The following ABCA3 variants were observed in gnomAD, a reference collection of about 807,000 sequenced individuals.
ABCA3 encodes ATP binding cassette subfamily A member 3.
Under a neutral mutation model 172.8 loss-of-function variants are expected in ABCA3, and 88 were observed. That is an observed-to-expected ratio of 0.51 (90% CI 0.43 to 0.61). The LOEUF (loss-of-function observed/expected upper bound fraction) is 0.61, where lower values mean the gene tolerates loss of function less well. ABCA3 is among the 20% of genes least tolerant of loss of function. ABCA3 has a pLI of 0.00. For missense variants in ABCA3, 2,164 were observed against 2,301.0 expected (o/e 0.94, Z 1.22); for synonymous variants, 1,066 against 983.8 (o/e 1.08, Z -1.56).
chr16:2,295,735 C>T lies in ABCA3; in HGVS notation c.2269G>A (p.Gly757Ser), dbSNP rs773110080. The change falls in exon 18 of 33, where the codon GGC becomes AGC. Residue 757 changes from glycine (G) to serine (S), a missense_variant. Gly to Ser is a moderately conservative substitution (Grantham distance 56). This residue lies in a region of ABCA3 where 1,343 missense variants were observed against 1,369.6 expected (regional missense o/e 0.98). Transcript: ENST00000301732. ...TCCTTCACCAGCGTCATGTGATAGC[C>T]GGCACCTGGAATACAGGGCCACGTG... ...SLFLKQKYGA[G>S]YHMTLVKEPH... 6.2e-6 allele frequency: 10 copies of T among 1,613,764 alleles called. No homozygotes were observed. The highest frequency in any genetic ancestry group is 4.5e-5 in the East Asian group (2 of 44,892).
At chr16:2,330,090 G>GT (rs1212517425) in intron 1 of ABCA3, among the ~76,000 whole-genome samples, 5 of 151,872 alleles carry the variant, frequency 3.3e-5, no homozygotes, top group Non-Finnish European at 7.4e-5. Flanking sequence ...GAGGTCAGGA[G>GT]TTTAAGACCA....
Position 2,285,440 on chromosome 16 carries a change from A to C in ABCA3, c.3483+2T>G. 6.2e-7 allele frequency: 1 copy of C among 1,608,122 alleles called. No homozygotes were observed. The highest frequency in any genetic ancestry group is 1.1e-5 in the South Asian group (1 of 89,854). ...ACGGATCCAGCACCCTCCGGCGCTC[A>C]CCAGCAGCAGCAGACTGGGGATGAG... On this transcript the variant is annotated splice_donor_variant, in intron 23 of 32. Transcript: ENST00000301732. LOFTEE classifies it high-confidence loss of function. The surrounding 1 kb of genome is among the most constrained non-coding windows in gnomAD (Gnocchi z 4.7).
At chr16:2,335,218 G>C (rs771824928) in intron 1 of ABCA3, among the ~76,000 whole-genome samples, 1 of 152,134 alleles carries the variant, frequency 6.6e-6, no homozygotes, top group Non-Finnish European at 1.5e-5. Flanking sequence ...GGGTGGGCTA[G>C]ACAACCTGCA....
At chr16:2,315,975 G>A (rs1278824781) in intron 10 of ABCA3, among the ~76,000 whole-genome samples, 2 of 146,810 alleles carry the variant, frequency 1.4e-5, no homozygotes, top group African/African-American at 5.0e-5. Flanking sequence ...GAGCTACCAT[G>A]CCTGGTCACT....
Position 2,283,539 on chromosome 16 carries a change from G to T in ABCA3, c.3863-181C>A. ...CTCGAGGCACCACAGCTCAGAGAGGGGCCAGGCACGTAACAATCCAATGCA... is the reference window on the plus strand; with the variant it reads ...CTCGAGGCACCACAGCTCAGAGAGGTGCCAGGCACGTAACAATCCAATGCA... On this transcript the variant is annotated intron_variant, in intron 25 of 32. Transcript: ENST00000301732. The surrounding 1 kb of genome is among the most constrained non-coding windows in gnomAD (Gnocchi z 5.4). The T allele has an allele frequency of 7.5e-6, 5 of 663,424 alleles. No homozygotes were observed. Among genetic ancestry groups the T allele is most frequent in the Non-Finnish European group, 1.3e-5 (5 of 396,454 alleles). 41.1% of individuals were successfully genotyped at this position (663,424 alleles called of 1,614,324 possible).
intron 1 of ABCA3, among the ~76,000 whole-genome samples, chr16:2,330,283 T>A (rs1235642665): frequency 7.6e-6 from 1 of 130,756 alleles, no homozygotes; most frequent in Non-Finnish European, 1.6e-5. Context: ...GAGATGACCC[T>A]GTCTCAAAAA....
In ABCA3 at chr16:2,281,938, C is replaced by T. The variant is rs1269784041; in HGVS notation, c.4036-429G>A. Among the ~76,000 whole-genome samples, 6 of 151,896 alleles carry T rather than the reference C, an allele frequency of 4.0e-5. No individual in the cohort carries two copies. Among genetic ancestry groups the T allele is most frequent in the East Asian group, 1.9e-4 (1 of 5,188 alleles). On this transcript the variant is annotated intron_variant, in intron 26 of 32. Coordinates refer to ENST00000301732, the MANE Select transcript of ABCA3 (RefSeq NM_001089.3). The surrounding 1 kb of genome is among the most constrained non-coding windows in gnomAD (Gnocchi z 4.7). ...TCCTGCTTCAGCCTCCCGAGTAGCGCGCCACCACGCCCAGCTAATTTTTGT... is the reference window on the plus strand; with the variant it reads ...TCCTGCTTCAGCCTCCCGAGTAGCGTGCCACCACGCCCAGCTAATTTTTGT...
In ABCA3 at chr16:2,292,150, C is replaced by A; in HGVS notation, c.2503G>T (p.Val835Phe). The change falls in exon 19 of 33, where the codon GTC (valine) becomes TTC (phenylalanine). Residue 835 changes from valine (V) to phenylalanine (F), a missense_variant. Coordinates refer to ENST00000301732, the MANE Select transcript of ABCA3 (RefSeq NM_001089.3). ...TGCGCATTTACTGACCGAAGGAAGA[C>A]TTCCTCCATGGTGGTGATGGATGCC... ...FGASITTMEEVFLRVGKLVDS... is the reference protein window; with the variant it reads ...FGASITTMEEFFLRVGKLVDS... 3 of 1,613,478 alleles carry A rather than the reference C, an allele frequency of 1.9e-6. No homozygotes were observed. Among genetic ancestry groups the A allele is most frequent in the Non-Finnish European group, 2.5e-6 (3 of 1,179,450 alleles).
Position 2,277,699 on chromosome 16 carries a change from G to A in ABCA3, c.4910-29C>T, listed in dbSNP as rs772495558. 2.2e-5 allele frequency: 35 copies of A among 1,612,498 alleles called. No homozygotes were observed. The highest frequency in any genetic ancestry group is 2.8e-5 in the Non-Finnish European group (33 of 1,179,732). On this transcript the variant is annotated intron_variant, in intron 31 of 32. Coordinates refer to ENST00000301732, the MANE Select transcript of ABCA3 (RefSeq NM_001089.3). The surrounding 1 kb of genome is among the most constrained non-coding windows in gnomAD (Gnocchi z 5.3). ...CACAAAGGAGAGACGGTGTTGCTGTGAGCGCCGGGCTGGAGGATCGGGGAG... is the reference window on the plus strand; with the variant it reads ...CACAAAGGAGAGACGGTGTTGCTGTAAGCGCCGGGCTGGAGGATCGGGGAG...
At chr16:2,302,103 A>G (rs1417077021) in intron 12 of ABCA3, among the ~76,000 whole-genome samples, 3 of 152,242 alleles carry the variant, frequency 2.0e-5, no homozygotes, top group African/African-American at 2.4e-5. Flanking sequence ...CTTTTAGTTA[A>G]TGGAATATCT....
chr16:2,301,477 C>T (rs544948118), intron 12 of ABCA3, among the ~76,000 whole-genome samples: 6 of 152,112 alleles, frequency 3.9e-5, no homozygotes, highest in African/African-American at 1.2e-4. Context: ...GAGGCCGAGG[C>T]GGGTGGATCA....
At chr16:2,317,547 C>G (rs2093718146) in intron 9 of ABCA3, 101 bp downstream of exon 9, 18 of 1,582,100 alleles carry the variant, frequency 1.1e-5, no homozygotes, top group Non-Finnish European at 1.5e-5. Flanking sequence ...GGGACAGACT[C>G]TCTCTGAAGT....
intron 1 of ABCA3, among the ~76,000 whole-genome samples, chr16:2,338,122 G>A (rs1298237211): frequency 1.3e-5 from 2 of 152,286 alleles, no homozygotes; most frequent in African/African-American, 4.8e-5. Context: ...CCCAGAGGGA[G>A]GTAACCATGG....
At chr16:2,315,839 CTTTTTTTTTTTTTTTT>C (rs536716259) in intron 10 of ABCA3, among the ~76,000 whole-genome samples, 1 of 104,846 alleles carries the variant, frequency 9.5e-6, no homozygotes, top group Non-Finnish European at 1.9e-5. Flanking sequence ...AATTTTTAAA[CTTTTTTTTTTTTTTTT>C]TTTTTTTTGT....
In ABCA3 at chr16:2,285,840, TC is replaced by T. The variant is rs2093662290; in HGVS notation, c.3279-195del. Among the ~76,000 whole-genome samples, 1 of 151,910 alleles carries T rather than the reference TC, an allele frequency of 6.6e-6. No individual in the cohort carries two copies. Among genetic ancestry groups the T allele is most frequent in the South Asian group, 2.1e-4 (1 of 4,800 alleles). ...CACCGGAGAACGGTTCCTCTGGAAT[TC>T]CTATGCTGACCATGTGACAATGGCA... On this transcript the variant is annotated intron_variant, in intron 22 of 32. Coordinates refer to ENST00000301732, the MANE Select transcript of ABCA3 (RefSeq NM_001089.3). The surrounding 1 kb of genome is among the most constrained non-coding windows in gnomAD (Gnocchi z 4.7).
chr16:2,329,966 C>T (rs986950569), intron 1 of ABCA3, 112 bp from the exon 2 acceptor site: 8 of 152,088 alleles, frequency 5.3e-5, no homozygotes, highest in African/African-American at 1.9e-4. Context: ...TTACTTAAAA[C>T]TGAGCAGATC....
rs1567336559 is a variant in ABCA3 at position 2,281,007 on chromosome 16, G to A, written c.4359+20C>T. The A allele has an allele frequency of 1.2e-6, 2 of 1,613,678 alleles. No homozygotes were observed. The highest frequency in any genetic ancestry group is 1.7e-5 in the Admixed American group (1 of 59,994). The stretch of plus-strand genomic sequence containing the variant: ...GCCATGCCTGTCTCACCCCTTCAGA[G>A]CCTCCCTGGCTGCACCCACCTTTCC... On this transcript the variant is annotated intron_variant, in intron 28 of 32. Coordinates refer to ENST00000301732, the MANE Select transcript of ABCA3 (RefSeq NM_001089.3). This position sits in a 1 kb window ranked among gnomAD's most constrained non-coding sequence, Gnocchi z 4.7.
At position 2,284,301 on chromosome 16, in the gene ABCA3, G is replaced by T. The variant is rs147123460; in HGVS notation, c.3840C>A (p.Ala1280=). 1.9e-6 allele frequency: 3 copies of T among 1,613,568 alleles called. No homozygotes were observed. In the African/African-American group the frequency reaches 4.0e-5, roughly 22 times the overall value. The part of the protein sequence containing the change: ...TRRYCTSSEV[A]AHYCKKYNIQ... ...CACTATATTTCTTGCAGTAGTGGGCGGCGACCTCGGAGGAGGTGCAGTACC... is the reference window on the plus strand; with the variant it reads ...CACTATATTTCTTGCAGTAGTGGGCTGCGACCTCGGAGGAGGTGCAGTACC... Residue 1280 remains alanine, a synonymous_variant, in exon 25 of 33, where the codon GCC becomes GCA. Coordinates refer to ENST00000301732, the MANE Select transcript of ABCA3 (RefSeq NM_001089.3). The surrounding 1 kb of genome is among the most constrained non-coding windows in gnomAD (Gnocchi z 5.9).
chr16:2,299,935 C>T, intron 13 of ABCA3, 70 bp downstream of exon 13: 2 of 1,598,856 alleles, frequency 1.3e-6, no homozygotes, highest in South Asian at 1.1e-5. Context: ...TGAGGTCTCA[C>T]TGCCGTGCTG....
Sources: allele counts gnomAD v4.1 joint callset (sites outside exome capture counted in the v4.1 genomes callset), GRCh38; gene constraint gnomAD v4.1.1; regional missense constraint gnomAD v4.1.1; non-coding constraint Gnocchi (gnomAD v3.1); transcripts MANE v1.5; gene names NCBI Gene and HGNC (gene_info 2026-07-23, HGNC 2026-07-21).